Variants in SBF2 observed in about 807,000 individuals in gnomAD.
The protein encoded by SBF2 is myotubularin-related protein 13.
In SBF2, 112 loss-of-function variants were observed where a neutral mutation model predicts 225.2. The observed-to-expected ratio is 0.50, with a 90% CI of 0.43 to 0.58. The LOEUF is 0.58. Ranked by LOEUF, SBF2 falls within the 20% of genes least tolerant of loss-of-function variation. SBF2 has a pLI of 0.00. For synonymous variants in SBF2, 763 were observed against 773.3 expected (o/e 0.99, Z 0.22); for missense variants, 1,996 against 2,206.2 (o/e 0.90, Z 1.91).
chr11:9,930,997 C>G (rs1370552717), intron 16 of SBF2, among the ~76,000 whole-genome samples: 5 of 152,262 alleles, frequency 3.3e-5, no homozygotes, highest in African/African-American at 9.6e-5. Context: ...TTGCTCACTG[C>G]AAGCTAGCAC....
intron 28 of SBF2, among the ~76,000 whole-genome samples, chr11:9,825,733 A>T (rs1467036747): frequency 2.0e-5 from 3 of 152,124 alleles, no homozygotes; most frequent in Admixed American, 1.3e-4. Flanking sequence ...AGTTACTTTT[A>T]AAAAAAAGCA....
intron 2 of SBF2, among the ~76,000 whole-genome samples, chr11:10,064,013 T>C (rs1305590985): frequency 6.6e-6 from 1 of 152,080 alleles, no homozygotes; most frequent in African/African-American, 2.4e-5. Flanking sequence ...GATGCAAATA[T>C]GACTGCATAA....
At chr11:10,271,399 C>T (rs1479521174) in intron 1 of SBF2, among the ~76,000 whole-genome samples, 2 of 117,456 alleles carry the variant, frequency 1.7e-5, no homozygotes, top group East Asian at 4.3e-4. Flanking sequence ...TTTATATACA[C>T]GATGGGGCAG....
rs552207234 is a variant in SBF2, at chr11:9,794,875, C to T, written c.4570+956G>A. On this transcript the variant is annotated intron_variant, in intron 33 of 39. Transcript: ENST00000256190. ...AGGGTGGAAAATGGTCTCACCAGTGCTCTTTCCCTTATCAAAAGTATGCAG... is the reference window on the plus strand; with the variant it reads ...AGGGTGGAAAATGGTCTCACCAGTGTTCTTTCCCTTATCAAAAGTATGCAG... Among the ~76,000 whole-genome samples, 3 of 152,124 alleles carry T rather than the reference C, an allele frequency of 2.0e-5. No individual in the cohort carries two copies. The East Asian group carries it at 5.8e-4, about 29-fold the overall frequency.
chr11:10,294,296 C>T (rs998555424), upstream of SBF2: 4 of 355,672 alleles, frequency 1.1e-5, no homozygotes, highest in Non-Finnish European at 2.0e-5. Flanking sequence ...GCCCGGGCGG[C>T]GAGCCCACCT....
At chr11:10,203,050 G>C (rs143126632) in intron 1 of SBF2, among the ~76,000 whole-genome samples, 36 of 151,542 alleles carry the variant, frequency 2.4e-4, no homozygotes, top group Admixed American at 7.9e-4. Flanking sequence ...TAGCTGGGGT[G>C]GGGGGGTGAG....
At chr11:10,215,371 T>C (rs1402341951) in intron 1 of SBF2, among the ~76,000 whole-genome samples, 1 of 152,238 alleles carries the variant, frequency 6.6e-6, no homozygotes, top group Non-Finnish European at 1.5e-5. Flanking sequence ...AATTATTGCA[T>C]TGTTGCATTT....
At chr11:9,899,330 C>CA (rs1311168510) in intron 16 of SBF2, among the ~76,000 whole-genome samples, 58 of 97,926 alleles carry the variant, frequency 5.9e-4, no homozygotes, top group African/African-American at 2.4e-3. Flanking sequence ...TCTGCTTCTA[C>CA]AAAAAATTAA....
chr11:9,829,444 C>G lies in SBF2; in HGVS notation c.3705G>C (p.Leu1235Phe). Reference sequence around the variant, plus strand: ...CAGAAACAGCATTCAGTAAGGCTTGCAAGTATTTCTCTTGTTCTATGCTAC... The same window carrying G: ...CAGAAACAGCATTCAGTAAGGCTTGGAAGTATTTCTCTTGTTCTATGCTAC... ...SSSSIEQEKY[L>F]QALLNAVSVH... is the part of the protein sequence containing the mutation. Residue 1235 changes from leucine (L) to phenylalanine (F), a missense_variant, in exon 28 of 40, where the codon TTG becomes TTC. Physicochemically the swap from Leu to Phe is conservative, Grantham distance 22 (BLOSUM62 0). Transcript: ENST00000256190. 3.1e-6 allele frequency: 5 copies of G among 1,613,458 alleles called. No individual in the cohort carries two copies. The highest frequency in any genetic ancestry group is 4.2e-6 in the Non-Finnish European group (5 of 1,179,418).
At chr11:10,039,566 CAAAT>C (rs1949574354) in intron 3 of SBF2, among the ~76,000 whole-genome samples, 1 of 151,826 alleles carries the variant, frequency 6.6e-6, no homozygotes, top group Admixed American at 6.6e-5. Context: ...GTGATCGTAA[CAAAT>C]AAATTATGAT....
chr11:9,944,424 T>C (rs1250465138), intron 16 of SBF2, among the ~76,000 whole-genome samples: 1 of 152,242 alleles, frequency 6.6e-6, no homozygotes, highest in Non-Finnish European at 1.5e-5. Flanking sequence ...CAATGACTAC[T>C]AGAAAACAAT....
intron 6 of SBF2, among the ~76,000 whole-genome samples, chr11:10,010,405 A>C (rs1356877127): frequency 1.3e-5 from 2 of 152,118 alleles, no homozygotes; most frequent in Non-Finnish European, 2.9e-5. Flanking sequence ...ATCTTGAGTT[A>C]ATTTTTTTAA....
At chr11:10,267,983 G>A (rs1341030723) in intron 1 of SBF2, among the ~76,000 whole-genome samples, 2 of 152,082 alleles carry the variant, frequency 1.3e-5, no homozygotes, top group Admixed American at 1.3e-4. Context: ...CTCACGCTAA[G>A]ATTTGGTAAA....
intron 1 of SBF2, among the ~76,000 whole-genome samples, chr11:10,276,739 A>T (rs990532447): frequency 6.6e-6 from 1 of 152,138 alleles, no homozygotes; most frequent in African/African-American, 2.4e-5. Context: ...AACACACTCA[A>T]TTTTTTTAAA....
At chr11:10,294,448 A>G (rs1434832223), upstream of SBF2, among the ~76,000 whole-genome samples, 1 of 151,816 alleles carries the variant, frequency 6.6e-6, no homozygotes, top group Non-Finnish European at 1.5e-5. Flanking sequence ...CTGCCTCCCT[A>G]TTTTTCCTAA....
rs945983239 is a variant in SBF2 at position 10,303,659 on chromosome 11, T to G, written n.386+833A>C. On this transcript the variant is annotated intron_variant and non_coding_transcript_variant, in intron 1 of 5. Coordinates refer to the SBF2 transcript ENST00000685217. This position sits in a 1 kb window ranked among gnomAD's most constrained non-coding sequence, Gnocchi z 5.2. ...CTTCACACAGCGAATTGCCGGGAGG[T>G]GAGGACTAGAAGCCTGTTTGGCTAG... 6.6e-6 allele frequency: 1 copy of G among 151,856 alleles called. No homozygotes were observed. Among genetic ancestry groups the G allele is most frequent in the African/African-American group, 2.4e-5 (1 of 41,250 alleles). 9.4% of individuals were successfully genotyped at this position (151,856 alleles called of 1,614,324 possible). A position where few individuals can be genotyped will look rare whatever the true frequency, so the allele number is the denominator to read the frequency against.
At chr11:10,016,582 G>A (rs1256343251) in intron 6 of SBF2, 1 of 152,074 alleles carries the variant, frequency 6.6e-6, no homozygotes, top group Non-Finnish European at 1.5e-5. Flanking sequence ...CGCCTCTTGG[G>A]TTCACGCCAT....
chr11:10,226,948 A>G (rs562630443), intron 1 of SBF2, among the ~76,000 whole-genome samples: 4 of 152,318 alleles, frequency 2.6e-5, no homozygotes, highest in African/African-American at 9.6e-5. Flanking sequence ...CCAACAGTAT[A>G]AAAGTGTTCC....
intron 17 of SBF2, among the ~76,000 whole-genome samples, chr11:9,874,652 T>C (rs1164130927): frequency 2.0e-5 from 3 of 152,232 alleles, no homozygotes; most frequent in Non-Finnish European, 4.4e-5. Flanking sequence ...TGCTGTGGTC[T>C]TCTGAGAATG....
Sources: gnomAD v4.1 joint callset for allele counts (sites outside exome capture counted in the v4.1 genomes callset) on GRCh38, gnomAD v4.1.1 for gene constraint, Gnocchi (gnomAD v3.1) non-coding constraint, MANE v1.5 for transcripts, NCBI Gene and HGNC (gene_info 2026-07-23, HGNC 2026-07-21) for gene names.